The following FRMD4A variants were observed in gnomAD, a reference collection of about 807,000 sequenced individuals.
The protein encoded by FRMD4A is FERM domain-containing protein 4A.
Under a neutral mutation model 129.1 loss-of-function variants are expected in FRMD4A, and 29 were observed. That is an observed-to-expected ratio of 0.22 (90% CI 0.17 to 0.31). The LOEUF is 0.31. FRMD4A is among the 10% of genes least tolerant of loss of function. FRMD4A has a pLI of 1.00. For synonymous variants in FRMD4A, 634 were observed against 571.6 expected, an observed-to-expected ratio of 1.11 and a Z score of -1.56; for missense variants, 1,272 against 1,375.8, an observed-to-expected ratio of 0.92 and a Z score of 1.19.
intron 2 of FRMD4A, among the ~76,000 whole-genome samples, chr10:14,043,128 C>T (rs1833851688): frequency 6.6e-6 from 1 of 151,944 alleles, no homozygotes; most frequent in African/African-American, 2.4e-5. Flanking sequence ...TTAAAGCATC[C>T]TTTTACTTCC....
At chr10:13,651,489 TTGAGACTATC>T (rs2081576836) in intron 24 of FRMD4A, 1 of 174,530 alleles carries the variant, frequency 5.7e-6, no homozygotes, top group Non-Finnish European at 1.2e-5. Flanking sequence ...AGTCAGGAGT[TTGAGACTATC>T]CTGGCCAACA....
intron 15 of FRMD4A, among the ~76,000 whole-genome samples, chr10:13,680,685 C>T (rs1022324594): frequency 6.6e-6 from 1 of 151,798 alleles, no homozygotes; most frequent in African/African-American, 2.4e-5. Context: ...GAGATGGCGC[C>T]ACTGCACTCC....
At chr10:13,947,961 C>T (rs117043608) in intron 2 of FRMD4A, among the ~76,000 whole-genome samples, 441 of 151,906 alleles carry the variant, frequency 2.9e-3, no homozygotes, top group Non-Finnish European at 4.8e-3. Flanking sequence ...CACTGAGAGG[C>T]CAAGGTGGGA....
At chr10:13,861,131 C>T (rs10430803) in intron 2 of FRMD4A, among the ~76,000 whole-genome samples, 18,982 of 152,206 alleles carry the variant, frequency 0.12, 1,376 homozygotes, top group Non-Finnish European at 0.16. Context: ...AGCCACCCTG[C>T]GTCCTTCGTG....
chr10:13,687,088 C>A (rs191263717), intron 15 of FRMD4A, among the ~76,000 whole-genome samples: 1 of 152,110 alleles, frequency 6.6e-6, no homozygotes, highest in East Asian at 1.9e-4. Flanking sequence ...CTCAAGAGTT[C>A]GAGACCATCC....
chr10:13,681,814 T>G (rs2084619729), intron 15 of FRMD4A, among the ~76,000 whole-genome samples: 1 of 152,076 alleles, frequency 6.6e-6, no homozygotes, highest in African/African-American at 2.4e-5. Flanking sequence ...AAAATGGGAA[T>G]GAAAACAGGA....
intron 12 of FRMD4A, chr10:13,712,119 G>A (rs1160993749): frequency 6.6e-6 from 1 of 152,196 alleles, no homozygotes; most frequent in Non-Finnish European, 1.5e-5. Flanking sequence ...TATCCTTGGA[G>A]TCCTGGCTTC....
At chr10:13,833,615 T>G (rs932750107) in intron 3 of FRMD4A, among the ~76,000 whole-genome samples, 20 of 152,112 alleles carry the variant, frequency 1.3e-4, no homozygotes, top group African/African-American at 4.6e-4. Context: ...GCAGGTTAAA[T>G]GAACCTGTCA....
chr10:14,157,608 C>T (rs1182284418), intron 2 of FRMD4A, among the ~76,000 whole-genome samples: 15 of 152,222 alleles, frequency 9.9e-5, no homozygotes, highest in Non-Finnish European at 2.2e-4. Flanking sequence ...ACAGCCCTTG[C>T]TGTGGGTGAG....
At chr10:14,106,538 A>G (rs1006813496) in intron 2 of FRMD4A, among the ~76,000 whole-genome samples, 5 of 152,200 alleles carry the variant, frequency 3.3e-5, no homozygotes, top group African/African-American at 1.2e-4. Context: ...TGGTATTTCC[A>G]TTTCAAAATC....
At chr10:13,689,198 C>CGGGGGGGGTGGGGGGGGG (rs2085400981) in intron 15 of FRMD4A, among the ~76,000 whole-genome samples, 2 of 68,028 alleles carry the variant, frequency 2.9e-5, no homozygotes, top group Admixed American at 2.0e-4. Context: ...AAACTCTTTG[C>CGGGGGGGGTGGGGGGGGG]GGGGGGGGGG....
intron 2 of FRMD4A, among the ~76,000 whole-genome samples, chr10:13,973,210 A>G (rs1412398647): frequency 6.6e-6 from 1 of 152,230 alleles, no homozygotes; most frequent in African/African-American, 2.4e-5. Context: ...CCCACTTATG[A>G]TCTGGTAATT....
At chr10:14,150,386 C>T (rs1055658087) in intron 2 of FRMD4A, among the ~76,000 whole-genome samples, 4 of 152,114 alleles carry the variant, frequency 2.6e-5, no homozygotes, top group African/African-American at 7.2e-5. Flanking sequence ...ATAATTAGAT[C>T]GTTATTTCCA....
chr10:13,969,705 A>G (rs1282993132), intron 2 of FRMD4A, among the ~76,000 whole-genome samples: 2 of 152,000 alleles, frequency 1.3e-5, no homozygotes, highest in African/African-American at 2.4e-5. Flanking sequence ...ATTCTAAAAA[A>G]TAGCTGAGCA....
chr10:13,741,954 T>G (rs866949509), intron 9 of FRMD4A, among the ~76,000 whole-genome samples: 1 of 152,182 alleles, frequency 6.6e-6, no homozygotes, highest in African/African-American at 2.4e-5. Flanking sequence ...CCTCCCAGTT[T>G]AAAGCAATTC....
At chr10:13,673,769 CTTTTTT>C (rs1156236426) in intron 16 of FRMD4A, among the ~76,000 whole-genome samples, 3 of 94,284 alleles carry the variant, frequency 3.2e-5, no homozygotes, top group African/African-American at 1.4e-4. Context: ...GAAAGCATTG[CTTTTTT>C]TTTTTTTTTT....
At chr10:14,063,879 C>T (rs1249370525) in intron 2 of FRMD4A, among the ~76,000 whole-genome samples, 1 of 152,056 alleles carries the variant, frequency 6.6e-6, no homozygotes, top group African/African-American at 2.4e-5. Flanking sequence ...AAAAAACCGC[C>T]CCAGGAGTTT....
chr10:14,166,252 A>T (rs1173981209), intron 2 of FRMD4A, among the ~76,000 whole-genome samples: 3 of 151,026 alleles, frequency 2.0e-5, no homozygotes, highest in Non-Finnish European at 4.4e-5. Context: ...ATACATTATG[A>T]CTATTAGAAC....
chr10:14,048,769 G>A (rs190945867), intron 2 of FRMD4A, among the ~76,000 whole-genome samples: 47 of 151,906 alleles, frequency 3.1e-4, no homozygotes, highest in African/African-American at 1.1e-3. Flanking sequence ...TCGCACCACC[G>A]CACTCCAGCC....
Sources: gnomAD v4.1 joint callset for allele counts (sites outside exome capture counted in the v4.1 genomes callset) on GRCh38, gnomAD v4.1.1 for gene constraint, MANE v1.5 for transcripts, NCBI Gene and HGNC (gene_info 2026-07-23, HGNC 2026-07-21) for gene names.